Variants in SPTBN1 observed in about 807,000 individuals in gnomAD.
The protein encoded by SPTBN1 is spectrin beta chain, non-erythrocytic 1.
A neutral mutation model predicts 266.4 loss-of-function variants in SPTBN1; 32 were observed. The observed-to-expected ratio is 0.12, with a 90% confidence interval of 0.09 to 0.16. The LOEUF (loss-of-function observed/expected upper bound fraction) is 0.16, where lower values mean the gene tolerates loss of function less well. Ranked by LOEUF, SPTBN1 falls within the 10% of genes least tolerant of loss-of-function variation. The pLI is 1.00. For synonymous variants in SPTBN1, 1,336 were observed against 1,162.2 expected, an observed-to-expected ratio of 1.15 and a Z score of -3.04; for missense variants, 2,296 against 3,067.1, an observed-to-expected ratio of 0.75 and a Z score of 5.94.
At chr2:54,490,957 AGAG>A (rs1295629267) in intron 1 of SPTBN1, among the ~76,000 whole-genome samples, 1 of 152,152 alleles carries the variant, frequency 6.6e-6, no homozygotes, top group Non-Finnish European at 1.5e-5. Flanking sequence ...GCATGCCTTG[AGAG>A]GAGGTTTTAC....
intron 1 of SPTBN1, among the ~76,000 whole-genome samples, chr2:54,459,185 A>C (rs116891777): frequency 6.6e-6 from 1 of 152,352 alleles, no homozygotes; most frequent in East Asian, 1.9e-4. Context: ...TAACTCTGTC[A>C]TTACTGGAGT....
chr2:54,655,330 T>C, intron 28 of SPTBN1, 122 bp downstream of exon 28: 2 of 1,288,412 alleles, frequency 1.6e-6, no homozygotes, highest in Non-Finnish European at 2.1e-6. Flanking sequence ...ACATATGTTT[T>C]AAAACTCCTT....
At position 54,456,504 on chromosome 2, in the gene SPTBN1, C is replaced by G. The variant is rs1451855898; in HGVS notation, c.-62C>G. 6.6e-6 allele frequency: 1 copy of G among 151,878 alleles called. No homozygotes were observed. The allele number at this position is 151,878 out of a possible 1,614,324, so 9.4% of individuals were successfully genotyped here. A position where few individuals can be genotyped will look rare whatever the true frequency, so the allele number is the denominator to read the frequency against. ...GGAGGACGGGACCCCGGCGCCCCCA[C>G]CCCATCCCCGGGAGGTAGGTAGGGG... is the stretch of plus-strand genomic sequence containing the variant. On this transcript the variant is annotated 5_prime_UTR_variant, in exon 1 of 36. Coordinates refer to ENST00000356805, the MANE Select transcript of SPTBN1 (RefSeq NM_003128.3).
At chr2:54,547,871 G>A (rs1240669752) in intron 2 of SPTBN1, among the ~76,000 whole-genome samples, 1 of 152,198 alleles carries the variant, frequency 6.6e-6, no homozygotes, top group Non-Finnish European at 1.5e-5. Flanking sequence ...GTGGCCAGGC[G>A]TGGTGGCTCA....
intron 1 of SPTBN1, among the ~76,000 whole-genome samples, chr2:54,477,944 T>G (rs1205405530): frequency 6.6e-6 from 1 of 152,110 alleles, no homozygotes; most frequent in African/African-American, 2.4e-5. Context: ...ACTTTGCTTT[T>G]TAAAGGTGAC....
At chr2:54,656,285 TCCC>T (rs979020365) in intron 29 of SPTBN1, among the ~76,000 whole-genome samples, 1 of 152,190 alleles carries the variant, frequency 6.6e-6, no homozygotes, top group African/African-American at 2.4e-5. Flanking sequence ...AGAAGCCCTC[TCCC>T]CCATTTGTCT....
intron 1 of SPTBN1, among the ~76,000 whole-genome samples, chr2:54,481,507 C>T (rs994028995): frequency 4.0e-5 from 6 of 151,670 alleles, no homozygotes; most frequent in East Asian, 3.9e-4. Context: ...TAAACCAAGT[C>T]CCTGAGGAAA....
intron 2 of SPTBN1, among the ~76,000 whole-genome samples, chr2:54,555,069 A>G (rs1294138318): frequency 6.6e-6 from 1 of 152,148 alleles, no homozygotes; most frequent in African/African-American, 2.4e-5. Context: ...ACTTAAGACC[A>G]TCTACCCTCT....
intron 1 of SPTBN1, among the ~76,000 whole-genome samples, chr2:54,498,408 G>C (rs1669082478): frequency 6.6e-6 from 1 of 152,190 alleles, no homozygotes; most frequent in African/African-American, 2.4e-5. Context: ...TTAGAAGCTA[G>C]ACTACTTGGG....
intron 1 of SPTBN1, among the ~76,000 whole-genome samples, chr2:54,477,722 G>C (rs1386868524): frequency 6.6e-6 from 1 of 152,234 alleles, no homozygotes; most frequent in East Asian, 1.9e-4. Flanking sequence ...GACCAGCCTG[G>C]CTAATATGGT....
intron 1 of SPTBN1, among the ~76,000 whole-genome samples, chr2:54,468,148 A>T (rs995851682): frequency 6.6e-6 from 1 of 151,998 alleles, no homozygotes; most frequent in African/African-American, 2.4e-5. Flanking sequence ...CTCTACTAAA[A>T]ATGCAAAAAT....
chr2:54,624,770 G>C, intron 10 of SPTBN1, 34 bp from the exon 11 acceptor site: 1 of 1,613,498 alleles, frequency 6.2e-7, no homozygotes, highest in Non-Finnish European at 8.5e-7. Flanking sequence ...GCAGGAAACT[G>C]TGTTTGTGTG....
chr2:54,594,456 G>C (rs1675912105), intron 2 of SPTBN1, among the ~76,000 whole-genome samples: 1 of 152,120 alleles, frequency 6.6e-6, no homozygotes, highest in Admixed American at 6.5e-5. Flanking sequence ...GATGTATGTT[G>C]GTTATAGGCA....
At chr2:54,661,528 G>A (rs1369038306) in intron 32 of SPTBN1, 1 of 985,686 alleles carries the variant, frequency 1.0e-6, no homozygotes, top group South Asian at 4.7e-5. Flanking sequence ...TCTGACTGTA[G>A]ATGGGTATAT....
At position 54,647,228 on chromosome 2, in the gene SPTBN1, G is replaced by A. The variant is rs749525531; in HGVS notation, c.4964G>A (p.Ser1655Asn). 5.0e-6 allele frequency: 8 copies of A among 1,613,936 alleles called. No individual in the cohort carries two copies. The highest frequency in any genetic ancestry group is 4.0e-5 in the African/African-American group (3 of 74,928). ...ACCGTGCATCAGCTCTCCAAGACCA[G>A]CCGGGCCCTGGTGGCCGACAGCCAT... is the stretch of plus-strand genomic sequence containing the variant. Reference protein sequence around the residue: ...AETVHQLSKTSRALVADSHPE... With the variant: ...AETVHQLSKTNRALVADSHPE... The change falls in exon 24 of 36, where the codon AGC becomes AAC. Residue 1655 changes from serine (S) to asparagine (N), a missense_variant. Transcript: ENST00000356805.
chr2:54,526,378 A>G lies in SPTBN1; in HGVS notation c.-41A>G. The G allele has an allele frequency of 1.9e-6, 3 of 1,608,460 alleles. No homozygotes were observed. The highest frequency in any genetic ancestry group is 1.1e-5 in the South Asian group (1 of 90,440). The stretch of plus-strand genomic sequence containing the variant: ...TTCCTTTTCTTTCTCATAGAACTCT[A>G]AGAAGGAGCTGATGTGGAGGAGCAG... On this transcript the variant is annotated 5_prime_UTR_variant, in exon 2 of 36. Coordinates refer to ENST00000356805, the MANE Select transcript of SPTBN1 (RefSeq NM_003128.3).
At chr2:54,541,762 T>C (rs1341615688) in intron 2 of SPTBN1, among the ~76,000 whole-genome samples, 3 of 152,200 alleles carry the variant, frequency 2.0e-5, no homozygotes, top group Non-Finnish European at 4.4e-5. Context: ...ACCATTTCAG[T>C]AAGGAATATA....
intron 1 of SPTBN1, among the ~76,000 whole-genome samples, chr2:54,523,542 A>G (rs1035901886): frequency 3.3e-5 from 5 of 152,228 alleles, no homozygotes; most frequent in African/African-American, 9.6e-5. Flanking sequence ...CCAAGAGCCT[A>G]CTGTTTATTT....
chr2:54,493,412 T>TGGG (rs111230328), intron 1 of SPTBN1, among the ~76,000 whole-genome samples: 4 of 146,698 alleles, frequency 2.7e-5, no homozygotes, highest in African/African-American at 9.8e-5. Context: ...TTTTCTTTTT[T>TGGG]GGGGGGTTGG....
Sources: allele counts gnomAD v4.1 joint callset (sites outside exome capture counted in the v4.1 genomes callset), GRCh38; gene constraint gnomAD v4.1.1; transcripts MANE v1.5; gene names NCBI Gene and HGNC (gene_info 2026-07-23, HGNC 2026-07-21).